The following ZBTB20 variants were observed in gnomAD, a reference collection of about 807,000 sequenced individuals.
ZBTB20 encodes zinc finger and BTB domain-containing protein 20.
A neutral mutation model predicts 56.9 loss-of-function variants in ZBTB20; 9 were observed. The ratio of observed to expected loss-of-function variants is 0.16; its 90% CI spans 0.10 to 0.28. ZBTB20 has a LOEUF of 0.28. Among genes scored for constraint, ZBTB20 ranks in the 10% least tolerant of loss-of-function variants. The pLI, the probability that ZBTB20 is intolerant of heterozygous loss-of-function variation, is 1.00. For missense variants in ZBTB20, 655 were observed against 1,003.0 expected, an observed-to-expected ratio of 0.65 and a Z score of 4.69; for synonymous variants, 417 against 420.7, an observed-to-expected ratio of 0.99 and a Z score of 0.11.
intron 3 of ZBTB20, among the ~76,000 whole-genome samples, chr3:114,955,160 C>A (rs1477644787): frequency 1.3e-5 from 2 of 152,132 alleles, no homozygotes; most frequent in East Asian, 1.9e-4. Context: ...CACAATTAGA[C>A]CTCCTATAAA....
chr3:114,988,353 T>C (rs1232425639), intron 2 of ZBTB20, among the ~76,000 whole-genome samples: 2 of 151,110 alleles, frequency 1.3e-5, no homozygotes, highest in Admixed American at 6.6e-5. Context: ...CATGCGGTGT[T>C]TGGTTTTTTG....
At chr3:114,775,333 T>C (rs1448982318) in intron 5 of ZBTB20, among the ~76,000 whole-genome samples, 2 of 152,182 alleles carry the variant, frequency 1.3e-5, no homozygotes, top group African/African-American at 2.4e-5. Flanking sequence ...ATATTTTATC[T>C]TATACTTAAC....
intron 2 of ZBTB20, among the ~76,000 whole-genome samples, chr3:115,066,952 TTTTATC>T (rs1272851124): frequency 6.6e-6 from 1 of 152,102 alleles, no homozygotes; most frequent in African/African-American, 2.4e-5. Flanking sequence ...ATTTATAATA[TTTTATC>T]TTTATCTTTT....
chr3:114,810,922 G>GA (rs1374979840), intron 4 of ZBTB20, among the ~76,000 whole-genome samples: 1 of 152,072 alleles, frequency 6.6e-6, no homozygotes, highest in Non-Finnish European at 1.5e-5. Context: ...GTTTGGGGGG[G>GA]ATTAAGAATT....
At chr3:114,648,489 G>A (rs1222380852) in intron 6 of ZBTB20, among the ~76,000 whole-genome samples, 2 of 151,862 alleles carry the variant, frequency 1.3e-5, no homozygotes, top group African/African-American at 4.8e-5. Context: ...ATGGCATGAT[G>A]GCATCTTAAA....
rs1215211427 is a variant in ZBTB20, at chr3:114,380,841, TG to T, written c.-55del. On this transcript the variant is annotated 5_prime_UTR_variant, in exon 9 of 12. Transcript: ENST00000675478. ...TGGAGTAATGGGAGGAGCACTGGAC[TG>T]GGAGTCAGGAGACTTGAGCTACCGT... 1 of 1,451,866 alleles carries T rather than the reference TG, an allele frequency of 6.9e-7. No homozygotes were observed. The highest frequency in any genetic ancestry group is 2.7e-5 in the Admixed American group (1 of 37,228). 89.9% of individuals were successfully genotyped at this position (1,451,866 alleles called of 1,614,324 possible).
chr3:114,552,441 T>C (rs1388463748), intron 6 of ZBTB20, among the ~76,000 whole-genome samples: 2 of 151,936 alleles, frequency 1.3e-5, no homozygotes, highest in Non-Finnish European at 2.9e-5. Context: ...TTTTTTTTTT[T>C]CCACTTCCCT....
At position 114,315,500 on chromosome 3, in the gene ZBTB20, G is replaced by A. The variant is rs1370198729; in HGVS notation, c.*23505C>T. ...TGGATATGTATGTGTGTGTGCATGT[G>A]TGTATGTTTTAGGTCACATAAACAT... is the stretch of plus-strand genomic sequence containing the variant. On this transcript the variant is annotated 3_prime_UTR_variant, in exon 12 of 12. Transcript: ENST00000675478. 1 of 152,062 alleles carries A rather than the reference G, an allele frequency of 6.6e-6. No individual in the cohort carries two copies. The highest frequency in any genetic ancestry group is 2.4e-5 in the African/African-American group (1 of 41,370). The allele number at this position is 152,062 out of a possible 1,614,324, so 9.4% of individuals were successfully genotyped here. A position where few individuals can be genotyped will look rare whatever the true frequency, so the allele number is the denominator to read the frequency against.
chr3:114,477,434 A>G (rs1216338106), intron 7 of ZBTB20, among the ~76,000 whole-genome samples: 1 of 150,160 alleles, frequency 6.7e-6, no homozygotes, highest in African/African-American at 2.5e-5. Context: ...CAAACACAGG[A>G]TTGAACCTCT....
intron 5 of ZBTB20, among the ~76,000 whole-genome samples, chr3:114,734,115 T>C (rs1359969059): frequency 6.6e-6 from 1 of 151,978 alleles, no homozygotes; most frequent in Non-Finnish European, 1.5e-5. Context: ...CAAACTATGC[T>C]TCATGGTCCC....
intron 6 of ZBTB20, among the ~76,000 whole-genome samples, chr3:114,623,452 CAAAT>C (rs2058457126): frequency 1.3e-5 from 2 of 152,220 alleles, no homozygotes; most frequent in South Asian, 4.1e-4. Context: ...TCCTGGGAAC[CAAAT>C]AAGGATTCTC....
At chr3:115,137,538 ATCTT>A (rs1450999868) in intron 1 of ZBTB20, among the ~76,000 whole-genome samples, 3 of 152,054 alleles carry the variant, frequency 2.0e-5, no homozygotes, top group Admixed American at 6.6e-5. Flanking sequence ...ATAAAATTAA[ATCTT>A]TCTTTCAGTA....
chr3:114,473,637 C>G (rs2040403602), intron 7 of ZBTB20, among the ~76,000 whole-genome samples: 1 of 152,088 alleles, frequency 6.6e-6, no homozygotes, highest in Non-Finnish European at 1.5e-5. Flanking sequence ...TGAGGCCAGC[C>G]TGGGGCAACA....
chr3:114,487,963 T>TACAG (rs1298756547), intron 7 of ZBTB20, among the ~76,000 whole-genome samples: 2 of 152,198 alleles, frequency 1.3e-5, no homozygotes, highest in Non-Finnish European at 2.9e-5. Context: ...GATCAGGCAA[T>TACAG]GTTGCCAGTG....
At chr3:114,888,153 C>G (rs2076671330) in intron 4 of ZBTB20, among the ~76,000 whole-genome samples, 1 of 151,468 alleles carries the variant, frequency 6.6e-6, no homozygotes, top group Admixed American at 6.6e-5. Context: ...TGCAGTGGCT[C>G]ACGCCTGTAA....
chr3:115,021,370 G>A (rs557171499), intron 2 of ZBTB20, among the ~76,000 whole-genome samples: 3 of 150,888 alleles, frequency 2.0e-5, no homozygotes, highest in East Asian at 3.9e-4. Flanking sequence ...TTACTGTAAA[G>A]ACTGGGGTAG....
chr3:114,372,101 T>A (rs1025439138), intron 10 of ZBTB20, among the ~76,000 whole-genome samples: 13 of 152,196 alleles, frequency 8.5e-5, no homozygotes, highest in African/African-American at 3.1e-4. Context: ...AGGGCAGTAG[T>A]GCATGTGGCC....
chr3:114,972,136 A>G (rs1011549626), intron 3 of ZBTB20, among the ~76,000 whole-genome samples: 5 of 152,218 alleles, frequency 3.3e-5, no homozygotes, highest in Non-Finnish European at 7.3e-5. Flanking sequence ...TTCTCATTAT[A>G]TTACAGAAAA....
chr3:114,739,157 G>GA (rs1325179791), intron 5 of ZBTB20, among the ~76,000 whole-genome samples: 2 of 152,146 alleles, frequency 1.3e-5, no homozygotes, highest in Non-Finnish European at 2.9e-5. Flanking sequence ...CTGCTATAAT[G>GA]AAAAATCACA....
Sources: allele counts gnomAD v4.1 joint callset (sites outside exome capture counted in the v4.1 genomes callset), GRCh38; gene constraint gnomAD v4.1.1; transcripts MANE v1.5; gene names NCBI Gene and HGNC (gene_info 2026-07-23, HGNC 2026-07-21).